ACP7: variants seen among roughly 807,000 people sequenced by gnomAD.
ACP7 encodes the protein acid phosphatase 7, tartrate resistant (putative), also known as acid phosphatase type 7.
Under a neutral mutation model 60.6 loss-of-function variants are expected in ACP7, and 58 were observed. The observed-to-expected ratio is 0.96, with a 90% CI of 0.77 to 1.19. The LOEUF (loss-of-function observed/expected upper bound fraction) is 1.19, where lower values mean the gene tolerates loss of function less well. Ranked by LOEUF, ACP7 falls within the 50% of genes most tolerant of loss-of-function variation. The pLI is 0.00. For synonymous variants in ACP7, 237 were observed against 232.6 expected (o/e 1.02, Z -0.17); for missense variants, 574 against 596.2 (o/e 0.96, Z 0.39).
intron 2 of ACP7, among the ~76,000 whole-genome samples, chr19:39,094,546 C>T (rs73045451): frequency 0.13 from 19,545 of 151,100 alleles, 1,652 homozygotes; most frequent in South Asian, 0.25. Context: ...ATAGAAAAGC[C>T]GGGCACATGT....
chr19:39,103,103 G>A (rs925591011), intron 11 of ACP7, among the ~76,000 whole-genome samples: 1 of 152,106 alleles, frequency 6.6e-6, no homozygotes, highest in African/African-American at 2.4e-5. Context: ...CTCCCAAAGT[G>A]CTGGGATTAC....
At chr19:39,089,711 C>T (rs1359115745) in intron 2 of ACP7, among the ~76,000 whole-genome samples, 1 of 152,176 alleles carries the variant, frequency 6.6e-6, no homozygotes, top group Non-Finnish European at 1.5e-5. Context: ...TTGCCGAGTA[C>T]CGATCAGCTA....
intron 2 of ACP7, among the ~76,000 whole-genome samples, chr19:39,088,782 G>A (rs894407342): frequency 5.9e-5 from 9 of 152,074 alleles, no homozygotes; most frequent in South Asian, 2.1e-4. Flanking sequence ...GTCTCACTCC[G>A]TCGCCCAGGC....
At chr19:39,100,540 C>A (rs1368612776) in intron 5 of ACP7, 40 bp from the exon 6 acceptor site, 3 of 1,609,446 alleles carry the variant, frequency 1.9e-6, no homozygotes, top group Non-Finnish European at 2.6e-6. Context: ...CTATGAAATT[C>A]AGTCCTTCAC....
intron 12 of ACP7, among the ~76,000 whole-genome samples, chr19:39,108,135 T>C (rs957369114): frequency 7.4e-6 from 1 of 134,716 alleles, no homozygotes; most frequent in Non-Finnish European, 1.6e-5. Context: ...GAGTCACTCA[T>C]CTAATTTTTT....
intron 2 of ACP7, among the ~76,000 whole-genome samples, chr19:39,086,641 AG>A (rs34365418): frequency 0.4 from 30,189 of 75,028 alleles, 3,928 homozygotes; most frequent in East Asian, 0.46. Context: ...AAAAAAAAAA[AG>A]GGGGGGGGGA....
At chr19:39,085,051 G>C in intron 1 of ACP7, 41 bp from the exon 2 acceptor site, 1 of 530,038 alleles carries the variant, frequency 1.9e-6, no homozygotes, top group South Asian at 3.0e-5. Flanking sequence ...GAGCTCTGCT[G>C]CTGTTCCTTA....
At chr19:39,106,840 C>G in intron 11 of ACP7, 107 bp from the exon 12 acceptor site, 1 of 1,415,008 alleles carries the variant, frequency 7.1e-7, no homozygotes, top group Non-Finnish European at 9.6e-7. Context: ...GTGGTCAAGT[C>G]TTCACTGTCT....
chr19:39,090,308 A>C (rs950247242), intron 2 of ACP7, among the ~76,000 whole-genome samples: 9 of 151,724 alleles, frequency 5.9e-5, no homozygotes, highest in Non-Finnish European at 1.0e-4. Context: ...AGCGGGGATT[A>C]CAGGCGCACG....
Position 39,095,834 on chromosome 19 carries a change from C to T in ACP7, c.122-2624C>T, listed in dbSNP as rs75567587. ...CCCAAACCCCAATTCTTGACTTCTG[C>T]GCACCTGCAGGCTCAAAACCATGTG... On this transcript the variant is annotated intron_variant, in intron 2 of 12. Transcript: ENST00000331256. Among the ~76,000 whole-genome samples, 205 of 152,326 alleles carry T rather than the reference C, an allele frequency of 1.3e-3. 2 individuals are homozygous for T. The highest frequency in any genetic ancestry group is 4.4e-3 in the East Asian group (23 of 5,182).
chr19:39,095,862 A>C (rs1349271022), intron 2 of ACP7, among the ~76,000 whole-genome samples: 1 of 152,236 alleles, frequency 6.6e-6, no homozygotes, highest in Admixed American at 6.5e-5. Context: ...ACCATGTGGA[A>C]GCTGCCAAGG....
rs531833574 is a variant in ACP7, at chr19:39,101,733, A to G, written c.1113+196A>G. ...GGCACAGACAGGAAAATACTTGCTCAAAGTCGCAGGTCAAATAAGTGGCAG... is the reference window on the plus strand; with the variant it reads ...GGCACAGACAGGAAAATACTTGCTCGAAGTCGCAGGTCAAATAAGTGGCAG... On this transcript the variant is annotated intron_variant, in intron 11 of 12. Transcript: ENST00000331256. 3.9e-4 allele frequency among the ~76,000 whole-genome samples: 60 copies of G among 152,216 alleles called. No homozygotes were observed. In the South Asian group the frequency reaches 0.012, roughly 31 times the overall value.
Position 39,085,537 on chromosome 19 carries a change from G to A in ACP7, c.121+147G>A, listed in dbSNP as rs142204957. On this transcript the variant is annotated intron_variant, in intron 2 of 12. Coordinates refer to ENST00000331256, the MANE Select transcript of ACP7 (RefSeq NM_001004318.3). ...TCCATCATCCACCTCTGTGGAATAGGAAGTACAGGCTGTGGAACACCTGGA... is the reference window on the plus strand; with the variant it reads ...TCCATCATCCACCTCTGTGGAATAGAAAGTACAGGCTGTGGAACACCTGGA... The A allele has an allele frequency of 7.9e-5, 92 of 1,160,982 alleles. No homozygotes were observed. The East Asian group carries it at 2.5e-3, about 31-fold the overall frequency. The allele number at this position is 1,160,982 out of a possible 1,614,324, so 71.9% of individuals were successfully genotyped here.
intron 2 of ACP7, among the ~76,000 whole-genome samples, chr19:39,090,974 T>A (rs1156231384): frequency 1.3e-5 from 2 of 152,024 alleles, no homozygotes; most frequent in African/African-American, 2.4e-5. Context: ...TCTGATGTTA[T>A]GATTGTCCCA....
At position 39,098,575 on chromosome 19, in the gene ACP7, C is replaced by G; in HGVS notation, c.239C>G (p.Pro80Arg). ...CTCCGCGCCCAGGGCACCTTCGTCC[C>G]CTTTGTGGACGGGGGCATTCTCCGG... ...LPLRAQGTFV[P>R]FVDGGILRRK... The change falls in exon 3 of 13, where the codon CCC (proline) becomes CGC (arginine). Residue 80 changes from proline to arginine, a missense_variant. By Grantham distance (103) the Pro-to-Arg change is moderately radical. Transcript: ENST00000331256. 1 of 1,613,718 alleles carries G rather than the reference C, an allele frequency of 6.2e-7. No individual in the cohort carries two copies. Among genetic ancestry groups the G allele is most frequent in the Non-Finnish European group, 8.5e-7 (1 of 1,179,846 alleles).
chr19:39,095,072 G>A, intron 2 of ACP7, among the ~76,000 whole-genome samples: 1 of 152,130 alleles, frequency 6.6e-6, no homozygotes, highest in Non-Finnish European at 1.5e-5. Flanking sequence ...TGAGATTTGG[G>A]TGGGGACACA....
At chr19:39,084,184 G>T (rs2073113975), upstream of ACP7, 2 of 152,368 alleles carry the variant, frequency 1.3e-5, no homozygotes, top group Non-Finnish European at 2.9e-5. Flanking sequence ...GCCCTGGTGG[G>T]GTGGGCGGGT....
intron 11 of ACP7, among the ~76,000 whole-genome samples, chr19:39,102,850 T>A (rs998429114): frequency 6.6e-6 from 1 of 150,932 alleles, no homozygotes; most frequent in African/African-American, 2.4e-5. Context: ...TCTTTCTTTT[T>A]TTTTGAGACG....
intron 2 of ACP7, among the ~76,000 whole-genome samples, chr19:39,087,710 T>A (rs765448921): frequency 1.3e-5 from 2 of 150,788 alleles, no homozygotes; most frequent in Non-Finnish European, 2.9e-5. Flanking sequence ...CTTGGCTCAC[T>A]GCAAGCTCCA....
Sources: gnomAD v4.1 joint callset for allele counts (sites outside exome capture counted in the v4.1 genomes callset) on GRCh38, gnomAD v4.1.1 for gene constraint, MANE v1.5 for transcripts, NCBI Gene and HGNC (gene_info 2026-07-23, HGNC 2026-07-21) for gene names.